Variants in COMT observed in about 807,000 individuals in gnomAD.
COMT encodes the protein catechol O-methyltransferase.
In COMT, 13 loss-of-function variants were observed where a neutral mutation model predicts 18.9. The ratio of observed to expected loss-of-function variants is 0.69; its 90% CI spans 0.45 to 1.09. COMT has a LOEUF of 1.09. Among genes scored for constraint, COMT ranks in the 50% least tolerant of loss-of-function variants. COMT has a pLI of 0.00. For synonymous variants in COMT, 150 were observed against 160.9 expected, an observed-to-expected ratio of 0.93 and a Z score of 0.51; for missense variants, 329 against 361.8, an observed-to-expected ratio of 0.91 and a Z score of 0.73.
chr22:19,967,310 G>T, intron 5 of COMT: 2 of 927,916 alleles, frequency 2.2e-6, no homozygotes, highest in Non-Finnish European at 3.1e-6. Context: ...CTGGAAGGCA[G>T]CCGCCCTGCT....
chr22:19,962,982 T>A, intron 3 of COMT, 167 bp downstream of exon 3: 1 of 825,464 alleles, frequency 1.2e-6, no homozygotes, highest in Non-Finnish European at 1.8e-6. Flanking sequence ...GGTGCCAGGG[T>A]CCCTGATGAC....
chr22:19,954,395 C>A (rs1330724308), intron 1 of COMT, among the ~76,000 whole-genome samples: 1 of 152,164 alleles, frequency 6.6e-6, no homozygotes, highest in Non-Finnish European at 1.5e-5. Flanking sequence ...CAACTGCTCA[C>A]CTCTGCCATG....
chr22:19,947,509 C>G (rs377722316), intron 1 of COMT, among the ~76,000 whole-genome samples: 5 of 152,166 alleles, frequency 3.3e-5, no homozygotes, highest in African/African-American at 1.2e-4. Flanking sequence ...ACATGGGTCA[C>G]GTGTCCACTG....
At chr22:19,948,187 G>A (rs9332343) in intron 1 of COMT, among the ~76,000 whole-genome samples, 2 of 151,918 alleles carry the variant, frequency 1.3e-5, no homozygotes, top group Admixed American at 6.6e-5. Flanking sequence ...TTATTATACT[G>A]GAACAGCTCG....
chr22:19,964,518 T>C, intron 5 of COMT: 1 of 713,054 alleles, frequency 1.4e-6, no homozygotes, highest in Non-Finnish European at 2.4e-6. Flanking sequence ...CTGGGTGGCC[T>C]GTTGGGAACT....
chr22:19,958,308 G>A (rs755655247), intron 1 of COMT, among the ~76,000 whole-genome samples: 2 of 151,304 alleles, frequency 1.3e-5, no homozygotes, highest in East Asian at 1.9e-4. Flanking sequence ...GGGACTACAC[G>A]TGCGGACCAC....
intron 2 of COMT, chr22:19,962,281 C>T: frequency 1.7e-6 from 1 of 605,922 alleles, no homozygotes; most frequent in South Asian, 2.0e-5. Context: ...GGAGTGTGAC[C>T]CTGCAGGCTC....
chr22:19,958,147 T>C (rs762258721), intron 1 of COMT, among the ~76,000 whole-genome samples: 28 of 149,650 alleles, frequency 1.9e-4, no homozygotes, highest in Non-Finnish European at 2.5e-4. Context: ...TTAATATTTG[T>C]GGGTGCATAG....
intron 5 of COMT, among the ~76,000 whole-genome samples, chr22:19,966,808 G>A (rs897423512): frequency 1.3e-5 from 2 of 152,282 alleles, no homozygotes; most frequent in Middle Eastern, 3.4e-3. Context: ...GCAGTGGCGC[G>A]ATCTTGGCTC....
intron 5 of COMT, among the ~76,000 whole-genome samples, chr22:19,966,021 G>A (rs569922415): frequency 1.3e-5 from 2 of 152,376 alleles, no homozygotes; most frequent in Admixed American, 6.5e-5. Flanking sequence ...TGATGTGGGT[G>A]CTAATTACAG....
intron 5 of COMT, chr22:19,964,779 G>A: frequency 2.7e-6 from 1 of 370,610 alleles, no homozygotes; most frequent in Non-Finnish European, 5.1e-6. Flanking sequence ...AGGACCCTGA[G>A]TGCCCCGAGT....
At chr22:19,968,058 A>G (rs1168330701) in intron 5 of COMT, among the ~76,000 whole-genome samples, 2 of 152,184 alleles carry the variant, frequency 1.3e-5, no homozygotes, top group Admixed American at 1.3e-4. Flanking sequence ...CCCAAGGGGC[A>G]GGCTTGTTGA....
At chr22:19,959,546 G>A (rs960138569) in intron 1 of COMT, among the ~76,000 whole-genome samples, 3 of 152,248 alleles carry the variant, frequency 2.0e-5, no homozygotes, top group Admixed American at 6.5e-5. Context: ...ACGGGGCTGG[G>A]GCGGGGCGGA....
intron 4 of COMT, 165 bp downstream of exon 4, chr22:19,963,924 C>T (rs1247102808): frequency 3.4e-6 from 4 of 1,168,406 alleles, no homozygotes; most frequent in Non-Finnish European, 2.5e-6. Context: ...GGAAAGACCC[C>T]CCCAGCAGCT....
At chr22:19,962,356 G>C in intron 2 of COMT, 171 bp from the exon 3 acceptor site, 1 of 1,224,466 alleles carries the variant, frequency 8.2e-7, no homozygotes, top group Non-Finnish European at 1.1e-6. Flanking sequence ...GGCACGAGAA[G>C]GCTGGCTCCC....
rs1942220061 is a variant in COMT, at chr22:19,962,603, T to TA, written c.77_78insA (p.Arg27GlufsTer27). 1.3e-6 allele frequency: 2 copies of TA among 1,593,206 alleles called. No individual in the cohort carries two copies. The highest frequency in any genetic ancestry group is 1.7e-6 in the Non-Finnish European group (2 of 1,170,084). On this transcript the variant is annotated frameshift_variant, in exon 3 of 6. Transcript: ENST00000361682. LOFTEE classifies it high-confidence loss of function. ...CTGCTGGTGGTGCTGCTGCTGCTTC[T>TA]GAGGCACTGGGGCTGGGGCCTGTGC... is the stretch of plus-strand genomic sequence containing the variant.
At chr22:19,966,451 A>G (rs1305277685) in intron 5 of COMT, among the ~76,000 whole-genome samples, 9 of 151,330 alleles carry the variant, frequency 5.9e-5, no homozygotes, top group East Asian at 5.8e-4. Context: ...AAAAAAAAAA[A>G]AAAAGAAAAA....
intron 5 of COMT, 64 bp from the exon 6 acceptor site, chr22:19,968,472 G>C: frequency 2.6e-6 from 4 of 1,528,406 alleles, no homozygotes; most frequent in Non-Finnish European, 3.6e-6. Flanking sequence ...ACCCATCCTG[G>C]TTTGGGGCAG....
chr22:19,968,444 C>T (rs1020921066), intron 5 of COMT, 92 bp from the exon 6 acceptor site: 26 of 1,255,594 alleles, frequency 2.1e-5, no homozygotes, highest in East Asian at 2.0e-4. Context: ...GGCGTGGTGC[C>T]GTGGCCTAGT....
Sources: gnomAD v4.1 joint callset for allele counts (sites outside exome capture counted in the v4.1 genomes callset) on GRCh38, gnomAD v4.1.1 for gene constraint, MANE v1.5 for transcripts, NCBI Gene and HGNC (gene_info 2026-07-23, HGNC 2026-07-21) for gene names.